Variants in FCER2 observed in about 807,000 individuals in gnomAD.
The protein encoded by FCER2 is Fc epsilon receptor II, also known as low affinity immunoglobulin epsilon Fc receptor.
In FCER2, 38 loss-of-function variants were observed where a neutral mutation model predicts 49.7. The observed-to-expected ratio is 0.76, with a 90% CI of 0.59 to 1.00. The LOEUF is 1.00. Among genes scored for constraint, FCER2 ranks in the 50% least tolerant of loss-of-function variants. The pLI, the probability that FCER2 is intolerant of heterozygous loss-of-function variation, is 0.00. For missense variants in FCER2, 425 were observed against 419.5 expected (o/e 1.01, Z -0.11); for synonymous variants, 163 against 164.6 (o/e 0.99, Z 0.07).
chr19:7,689,161 G>A lies in FCER2; in HGVS notation c.*32C>T, dbSNP rs2032782285. ...TTTAGGCCGTGGTTGGGGGTCTTCA[G>A]GGTCTTGCTCTGGGCCTGGCTGTAT... On this transcript the variant is annotated 3_prime_UTR_variant, in exon 11 of 11. Transcript: ENST00000597921. 2.7e-6 allele frequency: 4 copies of A among 1,481,276 alleles called. No individual in the cohort carries two copies. Among genetic ancestry groups the A allele is most frequent in the South Asian group, 1.1e-5 (1 of 88,048 alleles). 91.8% of individuals were successfully genotyped at this position (1,481,276 alleles called of 1,614,324 possible). A position where few individuals can be genotyped will look rare whatever the true frequency, so the allele number is the denominator to read the frequency against.
In FCER2 at chr19:7,693,133, C is replaced by T. The variant is rs114447729; in HGVS notation, c.470-2576G>A. Among the ~76,000 whole-genome samples the T allele has an allele frequency of 3.0e-3, 450 of 152,268 alleles. 6 individuals carry two copies. The highest frequency in any genetic ancestry group is 0.01 in the African/African-American group (424 of 41,554). On this transcript the variant is annotated intron_variant, in intron 8 of 10. Coordinates refer to ENST00000597921, the MANE Select transcript of FCER2 (RefSeq NM_001220500.2). ...CCAGCCGTGTCTTCATCACTGGCAC[C>T]GACAGCAAAACCAGTGCTGTGGCCA...
In FCER2 at chr19:7,690,475, C is replaced by A. The variant is rs139487727; in HGVS notation, c.552G>T (p.Trp184Cys). Residue 184 changes from tryptophan (W) to cysteine (C), a missense_variant, in exon 9 of 11, where the codon TGG becomes TGT. Coordinates refer to ENST00000597921, the MANE Select transcript of FCER2 (RefSeq NM_001220500.2). ...CYYFGKGTKQ[W>C]VHARYACDDM... is the part of the protein sequence containing the mutation. ...CGTCACAGGCATACCGGGCGTGGAC[C>A]CACTGCTTGGTGCCCTTGCCGAAGT... is the stretch of plus-strand genomic sequence containing the variant. 3 of 1,614,054 alleles carry A rather than the reference C, an allele frequency of 1.9e-6. No homozygotes were observed. In the Admixed American group the frequency reaches 5.0e-5, roughly 27 times the overall value.
At chr19:7,692,024 A>ATTCACG (rs2032887266) in intron 8 of FCER2, among the ~76,000 whole-genome samples, 1 of 151,212 alleles carries the variant, frequency 6.6e-6, no homozygotes. Flanking sequence ...GCACGAATAC[A>ATTCACG]TTCACGTCCA....
At chr19:7,700,463 TCTC>T (rs199657630) in intron 1 of FCER2, among the ~76,000 whole-genome samples, 2,552 of 152,212 alleles carry the variant, frequency 0.017, 31 homozygotes, top group Non-Finnish European at 0.026. Context: ...GCCTCAGCCT[TCTC>T]CTCTGCCAAT....
chr19:7,697,133 G>GC, intron 6 of FCER2, 58 bp from the exon 7 acceptor site: 1 of 1,605,750 alleles, frequency 6.2e-7, no homozygotes, highest in Non-Finnish European at 8.5e-7. Context: ...GGCCGAGGGT[G>GC]CCCCCCAAGC....
chr19:7,697,659 C>T (rs922268350), intron 4 of FCER2, 70 bp from the exon 5 acceptor site: 2 of 1,271,378 alleles, frequency 1.6e-6, no homozygotes, highest in South Asian at 2.4e-5. Context: ...GCCTATGCCC[C>T]AGGCTCAGGG....
chr19:7,689,562 C>T (rs919073257), intron 10 of FCER2, 132 bp from the exon 11 acceptor site: 4 of 608,682 alleles, frequency 6.6e-6, no homozygotes, highest in South Asian at 3.9e-5. Flanking sequence ...GGACCGGTAC[C>T]TCATTTTGGT....
At chr19:7,697,975 T>C (rs1325193648) in intron 4 of FCER2, among the ~76,000 whole-genome samples, 2 of 152,180 alleles carry the variant, frequency 1.3e-5, no homozygotes, top group Admixed American at 6.5e-5. Flanking sequence ...CAACTTACAA[T>C]AGCTCGAGTT....
chr19:7,698,484 G>A, intron 3 of FCER2, 75 bp from the exon 4 acceptor site: 1 of 1,228,676 alleles, frequency 8.1e-7, no homozygotes. Flanking sequence ...CCACCTCCCA[G>A]CTGGGGATGG....
In FCER2 at chr19:7,698,870, G is replaced by A. The variant is rs751798756; in HGVS notation, c.23-16C>T. ...TCCTCGATCTCTGCCGGGGGTGGAG[G>A]GACTGACTATGGGTGCAGGGTGAAG... On this transcript the variant is annotated splice_polypyrimidine_tract_variant and intron_variant, in intron 2 of 10. Transcript: ENST00000597921. 3 of 1,569,722 alleles carry A rather than the reference G, an allele frequency of 1.9e-6. No homozygotes were observed. Among genetic ancestry groups the A allele is most frequent in the African/African-American group, 2.7e-5 (2 of 73,548 alleles).
Position 7,690,858 on chromosome 19 carries a change from C to T in FCER2, c.470-301G>A, listed in dbSNP as rs537515421. Among the ~76,000 whole-genome samples, 539 of 152,098 alleles carry T rather than the reference C, an allele frequency of 3.5e-3. 2 individuals carry two copies. The highest frequency in any genetic ancestry group is 0.012 in the African/African-American group (490 of 41,446). On this transcript the variant is annotated intron_variant, in intron 8 of 10. Transcript: ENST00000597921. The stretch of plus-strand genomic sequence containing the variant: ...AGCATCTCCACAAACACCTCATGGC[C>T]AGAAGCACCACAAGCACCAACACTG...
intron 5 of FCER2, 59 bp from the exon 6 acceptor site, chr19:7,697,357 C>T: frequency 6.4e-7 from 1 of 1,566,180 alleles, no homozygotes; most frequent in South Asian, 1.1e-5. Flanking sequence ...CCCCATCTAC[C>T]CCCACCCATC....
At chr19:7,694,703 C>G (rs140550277) in intron 8 of FCER2, among the ~76,000 whole-genome samples, 11 of 152,286 alleles carry the variant, frequency 7.2e-5, no homozygotes, top group African/African-American at 2.6e-4. Flanking sequence ...TCACACCAAG[C>G]ACAGAAACTT....
Position 7,699,715 on chromosome 19 carries a change from G to A in FCER2, c.22+24C>T, listed in dbSNP as rs111370170. The A allele has an allele frequency of 1.4e-4, 225 of 1,611,686 alleles. 1 individual carries two copies. Among genetic ancestry groups the A allele is most frequent in the Middle Eastern group, 5.0e-4 (3 of 6,052 alleles). On this transcript the variant is annotated intron_variant, in intron 2 of 10. Transcript: ENST00000597921. Reference sequence around the variant, plus strand: ...GCTAAGGGTCATTGCTTCTGCCAACGTTAGAACCAGAGAGTCCTCCTACCT... The same window carrying A: ...GCTAAGGGTCATTGCTTCTGCCAACATTAGAACCAGAGAGTCCTCCTACCT...
At chr19:7,697,428 G>T in intron 5 of FCER2, 99 bp downstream of exon 5, 1 of 1,459,938 alleles carries the variant, frequency 6.8e-7, no homozygotes, top group Non-Finnish European at 9.6e-7. Flanking sequence ...CCCGGGTGTC[G>T]GGGGTGGGGC....
chr19:7,692,655 TAG>T (rs1469224490), intron 8 of FCER2, among the ~76,000 whole-genome samples: 59 of 149,122 alleles, frequency 4.0e-4, no homozygotes, highest in African/African-American at 1.4e-3. Context: ...ACTTCGTGGT[TAG>T]CAACACCTCA....
intron 6 of FCER2, 71 bp from the exon 7 acceptor site, chr19:7,697,146 G>GGCCCCCAAGCCTT: frequency 6.2e-7 from 1 of 1,606,512 alleles, no homozygotes; most frequent in Non-Finnish European, 8.5e-7. Flanking sequence ...CCCCAAGCCT[G>GGCCCCCAAGCCTT]GCCCCCCAGC....
chr19:7,691,499 A>C (rs1332157420), intron 8 of FCER2, among the ~76,000 whole-genome samples: 1 of 151,800 alleles, frequency 6.6e-6, no homozygotes, highest in Admixed American at 6.6e-5. Flanking sequence ...ATCCATGGCT[A>C]GCAACACTTC....
Position 7,699,785 on chromosome 19 carries a change from A to G in FCER2, c.-25T>C, listed in dbSNP as rs1398219517. The G allele has an allele frequency of 1.2e-6, 2 of 1,612,332 alleles. No individual in the cohort carries two copies. Among genetic ancestry groups the G allele is most frequent in the Non-Finnish European group, 1.7e-6 (2 of 1,178,658 alleles). On this transcript the variant is annotated 5_prime_UTR_variant, in exon 2 of 11. Coordinates refer to ENST00000597921, the MANE Select transcript of FCER2 (RefSeq NM_001220500.2). Reference sequence around the variant, plus strand: ...TGGCGGTCCTGCTTGGATTCTCCCGATGATGGAGCACTCACTCCCTGACAA... The same window carrying G: ...TGGCGGTCCTGCTTGGATTCTCCCGGTGATGGAGCACTCACTCCCTGACAA...
Sources: allele counts gnomAD v4.1 joint callset (sites outside exome capture counted in the v4.1 genomes callset), GRCh38; gene constraint gnomAD v4.1.1; transcripts MANE v1.5; gene names NCBI Gene and HGNC (gene_info 2026-07-23, HGNC 2026-07-21).